RUNDC3B: variants seen among roughly 807,000 people sequenced by gnomAD.
RUNDC3B encodes the protein RUN domain containing 3B.
RUNDC3B carries 33 observed loss-of-function variants against 58.4 expected under a neutral mutation model. The observed-to-expected ratio is 0.56, with a 90% CI of 0.43 to 0.75. RUNDC3B has a LOEUF of 0.75. Ranked by LOEUF, RUNDC3B falls within the 30% of genes least tolerant of loss-of-function variation. The pLI, the probability that RUNDC3B is intolerant of heterozygous loss-of-function variation, is 0.00. For synonymous variants in RUNDC3B, 193 were observed against 195.2 expected (o/e 0.99, Z 0.10); for missense variants, 501 against 535.7 (o/e 0.94, Z 0.64).
At chr7:87,642,901 CTCTT>C (rs1167767946) in intron 1 of RUNDC3B, among the ~76,000 whole-genome samples, 1 of 151,996 alleles carries the variant, frequency 6.6e-6, no homozygotes, top group Non-Finnish European at 1.5e-5. Context: ...ACACATCTGT[CTCTT>C]TATTTAATTT....
At chr7:87,687,492 G>A (rs1434245654) in intron 2 of RUNDC3B, among the ~76,000 whole-genome samples, 2 of 152,034 alleles carry the variant, frequency 1.3e-5, no homozygotes, top group Non-Finnish European at 2.9e-5. Flanking sequence ...TACTTATTAT[G>A]ATTATTGTTT....
At chr7:87,698,971 C>T (rs544834357) in intron 2 of RUNDC3B, among the ~76,000 whole-genome samples, 135 of 152,128 alleles carry the variant, frequency 8.9e-4, no homozygotes, top group African/African-American at 3.1e-3. Context: ...TACTAGGGGG[C>T]GATTTTTAAA....
chr7:87,716,117 A>C (rs1458098522), intron 4 of RUNDC3B, among the ~76,000 whole-genome samples: 5 of 152,204 alleles, frequency 3.3e-5, no homozygotes, highest in Admixed American at 3.3e-4. Flanking sequence ...AACCACGTTC[A>C]GAGTGATTAC....
rs1837289954 is a variant in RUNDC3B, at chr7:87,819,541, T to C, written c.1225+3279T>C. On this transcript the variant is annotated intron_variant, in intron 10 of 10. Transcript: ENST00000394654. ...TCAGCTCTGCACCAAGCAGACCTAATAGACATCTACAGAACTCTCCACCCC... is the reference window on the plus strand; with the variant it reads ...TCAGCTCTGCACCAAGCAGACCTAACAGACATCTACAGAACTCTCCACCCC... Among the ~76,000 whole-genome samples, 7 of 152,214 alleles carry C rather than the reference T, an allele frequency of 4.6e-5. No homozygotes were observed. In the South Asian group the frequency reaches 1.5e-3, roughly 32 times the overall value.
At chr7:87,788,480 GAC>G (rs997431451) in intron 8 of RUNDC3B, among the ~76,000 whole-genome samples, 7 of 152,074 alleles carry the variant, frequency 4.6e-5, no homozygotes, top group Non-Finnish European at 8.8e-5. Flanking sequence ...TTCATTGGGA[GAC>G]ACAGGATTAT....
intron 2 of RUNDC3B, among the ~76,000 whole-genome samples, chr7:87,679,563 G>T (rs1372724299): frequency 2.0e-5 from 3 of 149,882 alleles, no homozygotes; most frequent in South Asian, 2.1e-4. Context: ...CTAATTTTTT[G>T]ATTTTTTATA....
intron 4 of RUNDC3B, among the ~76,000 whole-genome samples, chr7:87,711,630 TA>T (rs1830094442): frequency 6.6e-6 from 1 of 152,168 alleles, no homozygotes; most frequent in South Asian, 2.1e-4. Context: ...AACTTAGACA[TA>T]AACTGTTTAA....
intron 1 of RUNDC3B, among the ~76,000 whole-genome samples, chr7:87,644,408 G>A (rs189764509): frequency 3.7e-4 from 56 of 152,334 alleles, no homozygotes; most frequent in Admixed American, 5.9e-4. Context: ...ACTACTAACA[G>A]CAATGACATA....
At chr7:87,705,670 C>G (rs1254879820) in intron 3 of RUNDC3B, among the ~76,000 whole-genome samples, 1 of 152,180 alleles carries the variant, frequency 6.6e-6, no homozygotes, top group Non-Finnish European at 1.5e-5. Context: ...AGGTTTCACA[C>G]TAGAATCAGC....
chr7:87,800,098 G>C (rs964146095), intron 8 of RUNDC3B, among the ~76,000 whole-genome samples: 152 of 152,218 alleles, frequency 1.0e-3, no homozygotes, highest in African/African-American at 3.2e-3. Flanking sequence ...CTTTGGAGTT[G>C]CATTGGAATA....
At chr7:87,785,353 C>T (rs1328314251) in intron 8 of RUNDC3B, among the ~76,000 whole-genome samples, 1 of 152,076 alleles carries the variant, frequency 6.6e-6, no homozygotes, top group Non-Finnish European at 1.5e-5. Context: ...CATGAACTCA[C>T]GCCTCCCTGT....
intron 4 of RUNDC3B, among the ~76,000 whole-genome samples, chr7:87,712,658 G>A (rs1830192301): frequency 6.6e-6 from 1 of 151,956 alleles, no homozygotes; most frequent in Admixed American, 6.6e-5. Context: ...ATATTTAAAG[G>A]AAATGCTTTC....
At chr7:87,716,079 T>C (rs1830538748) in intron 4 of RUNDC3B, among the ~76,000 whole-genome samples, 2 of 152,146 alleles carry the variant, frequency 1.3e-5, no homozygotes, top group Non-Finnish European at 2.9e-5. Context: ...ATTGATTAAT[T>C]AATTAATTTT....
intron 8 of RUNDC3B, among the ~76,000 whole-genome samples, chr7:87,804,353 A>G (rs759455148): frequency 2.3e-4 from 35 of 152,198 alleles, no homozygotes; most frequent in Non-Finnish European, 4.4e-4. Flanking sequence ...TACAAGTGTC[A>G]GAACCTGCCT....
At chr7:87,770,188 T>G (rs552370194) in intron 6 of RUNDC3B, among the ~76,000 whole-genome samples, 2 of 152,132 alleles carry the variant, frequency 1.3e-5, no homozygotes, top group Non-Finnish European at 2.9e-5. Flanking sequence ...CTGCCTTGTA[T>G]TGAAGATTGA....
intron 6 of RUNDC3B, among the ~76,000 whole-genome samples, chr7:87,752,407 A>T (rs1487680114): frequency 1.3e-5 from 2 of 152,016 alleles, no homozygotes; most frequent in Non-Finnish European, 2.9e-5. Context: ...GTTAGGGAGG[A>T]TTCCCTCTTT....
chr7:87,790,441 A>T (rs1835462393), intron 8 of RUNDC3B, among the ~76,000 whole-genome samples: 1 of 152,166 alleles, frequency 6.6e-6, no homozygotes, highest in East Asian at 1.9e-4. Context: ...AAGACTGACA[A>T]ATGTCTACAA....
intron 2 of RUNDC3B, among the ~76,000 whole-genome samples, chr7:87,656,683 A>C (rs772867379): frequency 6.6e-6 from 1 of 150,806 alleles, no homozygotes; most frequent in Admixed American, 6.6e-5. Context: ...TTGATAGTTT[A>C]AAAAAAACCT....
intron 6 of RUNDC3B, among the ~76,000 whole-genome samples, chr7:87,742,352 C>A (rs1306992786): frequency 6.6e-6 from 1 of 152,078 alleles, no homozygotes; most frequent in African/African-American, 2.4e-5. Flanking sequence ...TTATCCCTCA[C>A]CCCCTCCCAC....
Sources: gnomAD v4.1 joint callset for allele counts (sites outside exome capture counted in the v4.1 genomes callset) on GRCh38, gnomAD v4.1.1 for gene constraint, MANE v1.5 for transcripts, NCBI Gene and HGNC (gene_info 2026-07-23, HGNC 2026-07-21) for gene names.